Variants in EXT1 observed in about 807,000 individuals in gnomAD.
The protein encoded by EXT1 is exostosin-1.
A neutral mutation model predicts 82.5 loss-of-function variants in EXT1; 20 were observed. The observed-to-expected ratio is 0.24, with a 90% CI of 0.17 to 0.35. The LOEUF (loss-of-function observed/expected upper bound fraction) is 0.35, where lower values mean the gene tolerates loss of function less well. Among genes scored for constraint, EXT1 ranks in the 10% least tolerant of loss-of-function variants. The pLI is 1.00. For missense variants in EXT1, 757 were observed against 936.5 expected, an observed-to-expected ratio of 0.81 and a Z score of 2.50; for synonymous variants, 348 against 350.8, an observed-to-expected ratio of 0.99 and a Z score of 0.09.
chr8:118,036,421 C>G (rs578100315), intron 1 of EXT1, among the ~76,000 whole-genome samples: 4 of 152,134 alleles, frequency 2.6e-5, no homozygotes, highest in Non-Finnish European at 5.9e-5. Context: ...CAAAGCCCCA[C>G]TGATCTCTTG....
chr8:117,866,090 T>C (rs1031865688), intron 1 of EXT1, among the ~76,000 whole-genome samples: 2 of 152,070 alleles, frequency 1.3e-5, no homozygotes, highest in African/African-American at 4.8e-5. Flanking sequence ...CTGGGCATGG[T>C]GGCACGTGCC....
intron 1 of EXT1, among the ~76,000 whole-genome samples, chr8:117,866,397 A>ACT (rs1812774794): frequency 6.6e-6 from 1 of 152,130 alleles, no homozygotes; most frequent in Admixed American, 6.5e-5. Context: ...CACAGCCAGG[A>ACT]CTCTAACCAG....
At chr8:118,084,176 C>T (rs560412529) in intron 1 of EXT1, among the ~76,000 whole-genome samples, 70 of 152,288 alleles carry the variant, frequency 4.6e-4, no homozygotes, top group African/African-American at 1.7e-3. Context: ...ATTCAAGATC[C>T]TCAACTAGGA....
intron 1 of EXT1, among the ~76,000 whole-genome samples, chr8:118,102,434 A>G (rs999499682): frequency 2.6e-5 from 4 of 152,182 alleles, no homozygotes; most frequent in African/African-American, 9.6e-5. Flanking sequence ...AGGAAAAAAA[A>G]TAACATCCAA....
At chr8:117,863,776 C>T (rs1396973182) in intron 1 of EXT1, among the ~76,000 whole-genome samples, 1 of 152,104 alleles carries the variant, frequency 6.6e-6, no homozygotes. Flanking sequence ...ATGTCAGCAA[C>T]GCAGGGTGAG....
chr8:117,963,497 T>A (rs185016139), intron 1 of EXT1, among the ~76,000 whole-genome samples: 2,655 of 152,238 alleles, frequency 0.017, 84 homozygotes, highest in African/African-American at 0.059. Context: ...TTCATTTTTT[T>A]ATTTTATTTT....
intron 1 of EXT1, among the ~76,000 whole-genome samples, chr8:118,075,060 C>G (rs1817182714): frequency 6.6e-6 from 1 of 152,192 alleles, no homozygotes; most frequent in Non-Finnish European, 1.5e-5. Context: ...TCCGAACAGG[C>G]ATTTTTCCTC....
chr8:118,089,686 A>C (rs897044419), intron 1 of EXT1, among the ~76,000 whole-genome samples: 32 of 152,198 alleles, frequency 2.1e-4, no homozygotes, highest in African/African-American at 7.2e-4. Flanking sequence ...ATTATTAAAA[A>C]CCTTGGGTGT....
At chr8:118,065,808 T>A (rs1012850981) in intron 1 of EXT1, among the ~76,000 whole-genome samples, 2 of 152,236 alleles carry the variant, frequency 1.3e-5, no homozygotes, top group Non-Finnish European at 2.9e-5. Flanking sequence ...CATTTTTAAA[T>A]AATGTACTTG....
chr8:118,081,625 C>A (rs1357389822), intron 1 of EXT1, among the ~76,000 whole-genome samples: 1 of 152,242 alleles, frequency 6.6e-6, no homozygotes, highest in African/African-American at 2.4e-5. Flanking sequence ...TCTTTCTGAT[C>A]TTTGCCCATC....
intron 5 of EXT1, among the ~76,000 whole-genome samples, chr8:117,821,277 G>C (rs1274098761): frequency 6.6e-6 from 1 of 152,138 alleles, no homozygotes. Context: ...CCAATATCTA[G>C]ATACATATTC....
At chr8:118,045,818 C>CA in intron 1 of EXT1, among the ~76,000 whole-genome samples, 1 of 151,110 alleles carries the variant, frequency 6.6e-6, no homozygotes, top group South Asian at 2.1e-4. Context: ...TTTTTTGAGA[C>CA]AGAGTCTCAC....
intron 1 of EXT1, among the ~76,000 whole-genome samples, chr8:117,891,642 C>T (rs1813243884): frequency 6.6e-6 from 1 of 152,126 alleles, no homozygotes; most frequent in African/African-American, 2.4e-5. Context: ...TCACTGAACA[C>T]AGTTGTATGC....
Position 117,797,322 on chromosome 8 carries a change from T to A in EXT1, c.*2390A>T, listed in dbSNP as rs959083072. 6.6e-6 allele frequency: 1 copy of A among 152,262 alleles called. No individual in the cohort carries two copies. The highest frequency in any genetic ancestry group is 2.4e-5 in the African/African-American group (1 of 41,462). 9.4% of individuals were successfully genotyped at this position (152,262 alleles called of 1,614,324 possible). On this transcript the variant is annotated 3_prime_UTR_variant, in exon 11 of 11. Transcript: ENST00000378204. ...AAAATGAAACTGTGGAGATTTAAAG[T>A]GGATGAAAGGTGTGTTATATCCTGT...
chr8:118,102,649 G>A (rs941738977), intron 1 of EXT1, among the ~76,000 whole-genome samples: 3 of 152,074 alleles, frequency 2.0e-5, no homozygotes, highest in African/African-American at 7.2e-5. Context: ...TCTATCCAGG[G>A]TACTTGGATA....
At chr8:117,984,775 G>C (rs1815280948) in intron 1 of EXT1, among the ~76,000 whole-genome samples, 1 of 152,182 alleles carries the variant, frequency 6.6e-6, no homozygotes, top group African/African-American at 2.4e-5. Flanking sequence ...GAGGGAGAGA[G>C]ACTGGACAGG....
rs951092947 is a variant in EXT1 at position 117,949,554 on chromosome 8, G to A, written c.963-112353C>T. Among the ~76,000 whole-genome samples the A allele has an allele frequency of 7.4e-5, 11 of 149,610 alleles. No individual in the cohort carries two copies. In the Admixed American group the frequency reaches 7.4e-4, roughly 10 times the overall value. On this transcript the variant is annotated intron_variant, in intron 1 of 10. Coordinates refer to ENST00000378204, the MANE Select transcript of EXT1 (RefSeq NM_000127.3). Reference sequence around the variant, plus strand: ...TATATACGTATTATATATCATATTTGTGCAAACATTTGGAAGTTATTCATT... The same window carrying A: ...TATATACGTATTATATATCATATTTATGCAAACATTTGGAAGTTATTCATT...
chr8:117,834,571 C>T (rs1812153505), intron 3 of EXT1, among the ~76,000 whole-genome samples: 1 of 152,098 alleles, frequency 6.6e-6, no homozygotes, highest in Non-Finnish European at 1.5e-5. Flanking sequence ...CACCACTGCA[C>T]TCCAGCCTGG....
intron 1 of EXT1, among the ~76,000 whole-genome samples, chr8:117,982,181 T>A (rs1452314835): frequency 6.6e-6 from 1 of 152,206 alleles, no homozygotes; most frequent in Non-Finnish European, 1.5e-5. Flanking sequence ...CACGTCCTTG[T>A]CTAGAGCCCC....
Sources: allele counts gnomAD v4.1 joint callset (sites outside exome capture counted in the v4.1 genomes callset), GRCh38; gene constraint gnomAD v4.1.1; transcripts MANE v1.5; gene names NCBI Gene and HGNC (gene_info 2026-07-23, HGNC 2026-07-21).